QTGAL: variants seen among roughly 807,000 people sequenced by gnomAD.
The protein encoded by QTGAL is queuosine-tRNA galactosyltransferase.
chr17:83,035,193 T>C, the QTGAL span: 6 of 1,169,118 alleles, frequency 5.1e-6, no homozygotes, highest in African/African-American at 4.8e-5. Flanking sequence ...TTTTTTTTTT[T>C]TTCGAGATGG....
chr17:82,952,729 C>T, the QTGAL span, among the ~76,000 whole-genome samples: 217 of 152,342 alleles, frequency 1.4e-3, no homozygotes, highest in African/African-American at 5.0e-3. Flanking sequence ...ACTCTCCACC[C>T]TAAATCAACA....
the QTGAL span, chr17:82,957,610 G>A: frequency 8.1e-6 from 11 of 1,356,910 alleles, no homozygotes; most frequent in Non-Finnish European, 1.0e-5. Flanking sequence ...TGGACACCTG[G>A]CCCAATGCCT....
At chr17:83,049,675 G>A in the QTGAL span, among the ~76,000 whole-genome samples, 1 of 152,180 alleles carries the variant, frequency 6.6e-6, no homozygotes, top group Non-Finnish European at 1.5e-5. Flanking sequence ...TTTTAACAAA[G>A]TATCGGGCAG....
At chr17:83,051,458 G>A in the QTGAL span, among the ~76,000 whole-genome samples, 6 of 152,282 alleles carry the variant, frequency 3.9e-5, no homozygotes, top group South Asian at 8.3e-4. Context: ...GAACGAGGAA[G>A]GTCGGTGAGG....
At chr17:82,972,705 C>T in the QTGAL span, among the ~76,000 whole-genome samples, 1 of 125,022 alleles carries the variant, frequency 8.0e-6, no homozygotes, top group Admixed American at 7.8e-5. Flanking sequence ...ACCACAGGGG[C>T]CAGAAGGACC....
chr17:83,044,424 C>T, the QTGAL span, among the ~76,000 whole-genome samples: 4 of 152,150 alleles, frequency 2.6e-5, no homozygotes, highest in Non-Finnish European at 5.9e-5. Context: ...AGGCATTTGA[C>T]AAAATCCGGC....
the QTGAL span, among the ~76,000 whole-genome samples, chr17:82,995,147 G>C: frequency 2.0e-5 from 3 of 152,096 alleles, no homozygotes; most frequent in Non-Finnish European, 2.9e-5. Flanking sequence ...CATGCCTACT[G>C]TCACCACTGT....
chr17:82,956,625 A>G, the QTGAL span: 1 of 1,443,306 alleles, frequency 6.9e-7, no homozygotes, highest in Admixed American at 2.2e-5. This position sits in a 1 kb window ranked among gnomAD's most constrained non-coding sequence, Gnocchi z 5.7. Flanking sequence ...ATTGCACAGC[A>G]GGGCGGGTTG....
At chr17:82,973,036 C>T in the QTGAL span, among the ~76,000 whole-genome samples, 2 of 152,250 alleles carry the variant, frequency 1.3e-5, no homozygotes. Flanking sequence ...GCACGGAGCT[C>T]TGATGCCTTC....
the QTGAL span, among the ~76,000 whole-genome samples, chr17:83,018,696 C>T: frequency 2.6e-5 from 4 of 152,214 alleles, no homozygotes; most frequent in Non-Finnish European, 4.4e-5. Flanking sequence ...AAAGAAAGGT[C>T]GCAATGGGCC....
the QTGAL span, chr17:82,946,778 G>C: frequency 1.0e-6 from 1 of 968,182 alleles, no homozygotes; most frequent in Non-Finnish European, 1.5e-6. Flanking sequence ...AACATAAGCA[G>C]AGGACTAACT....
At chr17:82,996,506 A>G in the QTGAL span, among the ~76,000 whole-genome samples, 2 of 144,438 alleles carry the variant, frequency 1.4e-5, no homozygotes, top group East Asian at 2.1e-4. Context: ...TGGATGACAG[A>G]GCGAGACTCT....
the QTGAL span, among the ~76,000 whole-genome samples, chr17:83,043,081 C>G: frequency 6.6e-6 from 1 of 152,132 alleles, no homozygotes; most frequent in African/African-American, 2.4e-5. Context: ...CCGTAACAGT[C>G]GGAGATTCAA....
chr17:83,048,752 A>G, the QTGAL span: 2 of 1,614,130 alleles, frequency 1.2e-6, no homozygotes, highest in Non-Finnish European at 1.7e-6. Flanking sequence ...TCGTCCAGCC[A>G]CGGTTCAGCG....
chr17:82,984,451 G>C, the QTGAL span, among the ~76,000 whole-genome samples: 1 of 142,894 alleles, frequency 7.0e-6, no homozygotes, highest in African/African-American at 2.6e-5. Flanking sequence ...GCCACAGGAG[G>C]ATGCAGGGAG....
the QTGAL span, among the ~76,000 whole-genome samples, chr17:82,985,133 C>G: frequency 6.6e-6 from 1 of 152,256 alleles, no homozygotes. Context: ...CCCCAGGCCA[C>G]TGGCATAGAC....
chr17:82,942,258 G>A, the QTGAL span: 12 of 693,618 alleles, frequency 1.7e-5, no homozygotes, highest in Middle Eastern at 3.8e-4. Context: ...GTGCCCTTCC[G>A]AGGACACGTT....
At chr17:82,946,394 A>G in the QTGAL span, among the ~76,000 whole-genome samples, 1 of 152,250 alleles carries the variant, frequency 6.6e-6, no homozygotes, top group South Asian at 2.1e-4. Flanking sequence ...AAGATGATTG[A>G]TAGAACTTTC....
chr17:82,944,437 A>G, the QTGAL span: 8 of 152,264 alleles, frequency 5.3e-5, no homozygotes, highest in African/African-American at 1.9e-4. Flanking sequence ...ACAATAGCAA[A>G]TGAACAAGCA....
Sources: allele counts gnomAD v4.1 joint callset (sites outside exome capture counted in the v4.1 genomes callset), GRCh38; gene constraint gnomAD v4.1.1; non-coding constraint Gnocchi (gnomAD v3.1); transcripts MANE v1.5; gene names NCBI Gene and HGNC (gene_info 2026-07-23, HGNC 2026-07-21).